Variants in RPH3A observed in about 807,000 individuals in gnomAD.
RPH3A encodes the protein rabphilin 3A.
RPH3A carries 48 observed loss-of-function variants against 102.2 expected under a neutral mutation model. The ratio of observed to expected loss-of-function variants is 0.47; its 90% CI spans 0.37 to 0.60. The LOEUF is 0.60. Among genes scored for constraint, RPH3A ranks in the 20% least tolerant of loss-of-function variants. The pLI, the probability that RPH3A is intolerant of heterozygous loss-of-function variation, is 0.00. For missense variants in RPH3A, 781 were observed against 910.1 expected, an observed-to-expected ratio of 0.86 and a Z score of 1.83; for synonymous variants, 310 against 324.3, an observed-to-expected ratio of 0.96 and a Z score of 0.47.
chr12:112,865,355 G>T (rs1326171898), intron 5 of RPH3A, 59 bp from the exon 6 acceptor site: 5 of 1,590,358 alleles, frequency 3.1e-6, no homozygotes, highest in Non-Finnish European at 8.6e-7. Context: ...TGACACTGTG[G>T]GGTATGCTGG....
intron 1 of RPH3A, among the ~76,000 whole-genome samples, chr12:112,652,882 G>A (rs78585370): frequency 4.6e-5 from 7 of 152,180 alleles, no homozygotes; most frequent in African/African-American, 1.4e-4. Context: ...AGGTGATTTC[G>A]TTGTCATTTG....
At chr12:112,793,002 C>T (rs2041154663) in intron 2 of RPH3A, among the ~76,000 whole-genome samples, 1 of 152,144 alleles carries the variant, frequency 6.6e-6, no homozygotes, top group Admixed American at 6.5e-5. Flanking sequence ...AGATTCTATC[C>T]TTGAGTTCAT....
chr12:112,640,905 G>GA (rs2039885390), intron 1 of RPH3A, among the ~76,000 whole-genome samples: 1 of 152,100 alleles, frequency 6.6e-6, no homozygotes, highest in Non-Finnish European at 1.5e-5. Flanking sequence ...CCGCAGCATA[G>GA]AAGGTGGGAA....
chr12:112,879,307 G>A (rs1358505159), intron 14 of RPH3A, 109 bp downstream of exon 14: 12 of 933,574 alleles, frequency 1.3e-5, no homozygotes, highest in South Asian at 1.1e-4. Flanking sequence ...CTTGTCTATC[G>A]ATGATAGTGA....
intron 1 of RPH3A, among the ~76,000 whole-genome samples, chr12:112,591,890 A>T (rs1362262456): frequency 6.6e-6 from 1 of 152,188 alleles, no homozygotes; most frequent in Non-Finnish European, 1.5e-5. Context: ...ACTTCCTGGC[A>T]ATCGTCCCTC....
chr12:112,601,165 G>A (rs1383522799), intron 1 of RPH3A, among the ~76,000 whole-genome samples: 1 of 152,176 alleles, frequency 6.6e-6, no homozygotes, highest in Non-Finnish European at 1.5e-5. Context: ...ATCAGTAGCT[G>A]TGTTGAGGAT....
intron 2 of RPH3A, among the ~76,000 whole-genome samples, chr12:112,812,992 C>T (rs113663310): frequency 6.6e-6 from 1 of 152,318 alleles, no homozygotes; most frequent in African/African-American, 2.4e-5. Context: ...AACCATGTGC[C>T]AGGCATTGTT....
At position 112,800,348 on chromosome 12, in the gene RPH3A, GGACA is replaced by G. The variant is rs1328799928; in HGVS notation, c.-19+8091_-19+8094del. ...CAGAGACAACTGTGGTGGCCCCAAG[GGACA>G]GACAGTCGGCTGGTGTGAGTGGGGT... On this transcript the variant is annotated intron_variant, in intron 2 of 21. Coordinates refer to ENST00000389385, the MANE Select transcript of RPH3A (RefSeq NM_001143854.2). 3.3e-5 allele frequency among the ~76,000 whole-genome samples: 5 copies of G among 152,282 alleles called. No homozygotes were observed. In the East Asian group the frequency reaches 9.6e-4, roughly 29 times the overall value.
intron 5 of RPH3A, among the ~76,000 whole-genome samples, chr12:112,859,620 T>C (rs1201499882): frequency 3.3e-5 from 5 of 152,220 alleles, no homozygotes; most frequent in Non-Finnish European, 5.9e-5. Context: ...TTCACAATCC[T>C]GCACTCTGGG....
At chr12:112,836,131 C>T (rs1382607320) in intron 3 of RPH3A, among the ~76,000 whole-genome samples, 3 of 152,170 alleles carry the variant, frequency 2.0e-5, no homozygotes, top group African/African-American at 7.2e-5. Context: ...CTAGTATGGT[C>T]CTTGTCCCCC....
intron 1 of RPH3A, among the ~76,000 whole-genome samples, chr12:112,701,660 G>A (rs1176716236): frequency 1.3e-5 from 2 of 152,174 alleles, no homozygotes; most frequent in Non-Finnish European, 2.9e-5. Context: ...AGATGTTATG[G>A]TTTAGCTCAA....
At chr12:112,865,370 C>T in intron 5 of RPH3A, 44 bp from the exon 6 acceptor site, 1 of 1,604,290 alleles carries the variant, frequency 6.2e-7, no homozygotes, top group Non-Finnish European at 8.5e-7. Context: ...TGCTGGTGGT[C>T]CCCAGTCCTA....
intron 1 of RPH3A, among the ~76,000 whole-genome samples, chr12:112,591,141 G>A (rs1199478740): frequency 6.6e-6 from 1 of 151,062 alleles, no homozygotes; most frequent in Non-Finnish European, 1.5e-5. Context: ...AAATAGAGAT[G>A]GGGTCTTGCT....
intron 5 of RPH3A, among the ~76,000 whole-genome samples, chr12:112,863,957 C>T (rs988492915): frequency 6.6e-6 from 1 of 152,246 alleles, no homozygotes; most frequent in African/African-American, 2.4e-5. Context: ...CAGCAGGGAA[C>T]AGAACAGACA....
rs149256412 is a variant in RPH3A at position 112,608,479 on chromosome 12, G to A, written c.-140+33160G>A. Among the ~76,000 whole-genome samples the A allele has an allele frequency of 7.2e-4, 109 of 152,252 alleles. 2 individuals are homozygous for A. In the Middle Eastern group the frequency reaches 0.02, roughly 29 times the overall value. ...AGTAAATATTTATTGAATTAAATTA[G>A]CAAATTCATATATTGTGCTTTGGGG... On this transcript the variant is annotated intron_variant, in intron 1 of 21. Transcript: ENST00000543106.
rs143660863 is a variant in RPH3A at position 112,709,111 on chromosome 12, G to A, written c.-139-83032G>A. On this transcript the variant is annotated intron_variant, in intron 1 of 21. Transcript: ENST00000543106. ...CCCTTTGATGGGTGTGTATGGCAAAGGTGACAAGTGATTTTATTTTGATTT... is the reference window on the plus strand; with the variant it reads ...CCCTTTGATGGGTGTGTATGGCAAAAGTGACAAGTGATTTTATTTTGATTT... Among the ~76,000 whole-genome samples the A allele has an allele frequency of 2.5e-3, 386 of 152,234 alleles. 3 individuals are homozygous for A. The highest frequency in any genetic ancestry group is 8.6e-3 in the African/African-American group (359 of 41,550).
At chr12:112,750,709 A>G (rs1592979247) in intron 1 of RPH3A, among the ~76,000 whole-genome samples, 3 of 152,060 alleles carry the variant, frequency 2.0e-5, no homozygotes, top group Non-Finnish European at 4.4e-5. Context: ...TGTCTTTCCT[A>G]TTTAGCTTTT....
At chr12:112,828,468 G>A in intron 3 of RPH3A, 79 bp downstream of exon 3, 2 of 1,077,774 alleles carry the variant, frequency 1.9e-6, no homozygotes, top group Admixed American at 2.3e-5. Flanking sequence ...AAAAAAAGAA[G>A]GAATAGCTTC....
intron 1 of RPH3A, among the ~76,000 whole-genome samples, chr12:112,578,604 G>C (rs527613344): frequency 6.6e-6 from 1 of 152,302 alleles, no homozygotes; most frequent in East Asian, 1.9e-4. Flanking sequence ...AGGACTGCAT[G>C]ATATGCCCTA....
Sources: gnomAD v4.1 joint callset for allele counts (sites outside exome capture counted in the v4.1 genomes callset) on GRCh38, gnomAD v4.1.1 for gene constraint, MANE v1.5 for transcripts, NCBI Gene and HGNC (gene_info 2026-07-23, HGNC 2026-07-21) for gene names.